DYM: variants seen among roughly 807,000 people sequenced by gnomAD.
DYM encodes dymeclin, also known as dyggve-Melchior-Clausen syndrome protein.
Under a neutral mutation model 93.1 loss-of-function variants are expected in DYM, and 78 were observed. The ratio of observed to expected loss-of-function variants is 0.84; its 90% CI spans 0.70 to 1.01. The LOEUF (loss-of-function observed/expected upper bound fraction) is 1.01, where lower values mean the gene tolerates loss of function less well. Ranked by LOEUF, DYM falls within the 50% of genes least tolerant of loss-of-function variation. The pLI is 0.00. For missense variants in DYM, 789 were observed against 845.0 expected (o/e 0.93, Z 0.82); for synonymous variants, 321 against 319.7 (o/e 1.00, Z -0.04).
chr18:49,374,135 G>C (rs1424377311), intron 5 of DYM, among the ~76,000 whole-genome samples: 3 of 152,114 alleles, frequency 2.0e-5, no homozygotes, highest in Non-Finnish European at 4.4e-5. Context: ...AAAGATGATG[G>C]GGTGGTTTGG....
chr18:49,234,516 T>C lies in DYM; in HGVS notation c.1460+22494A>G, dbSNP rs563876685. On this transcript the variant is annotated intron_variant, in intron 13 of 17. Coordinates refer to ENST00000675505, the MANE Select transcript of DYM (RefSeq NM_001353214.3). Reference sequence around the variant, plus strand: ...TTATTGTTTGCCTCCTCCCCTATCCTGTGGCTTGAACTAAGATGCTTCCTG... The same window carrying C: ...TTATTGTTTGCCTCCTCCCCTATCCCGTGGCTTGAACTAAGATGCTTCCTG... 2.6e-5 allele frequency among the ~76,000 whole-genome samples: 4 copies of C among 152,244 alleles called. No individual in the cohort carries two copies. The South Asian group carries it at 6.2e-4, about 24-fold the overall frequency.
intron 8 of DYM, among the ~76,000 whole-genome samples, chr18:49,327,157 TTACA>T (rs2062957983): frequency 6.6e-6 from 1 of 152,080 alleles, no homozygotes; most frequent in African/African-American, 2.4e-5. Context: ...CTGGATAAAG[TTACA>T]TATAGTTTTT....
Position 49,167,293 on chromosome 18 carries a change from G to C in DYM, c.1626-3506C>G, listed in dbSNP as rs988057451. Among the ~76,000 whole-genome samples, 6 of 152,126 alleles carry C rather than the reference G, an allele frequency of 3.9e-5. No homozygotes were observed. In the South Asian group the frequency reaches 1.0e-3, roughly 26 times the overall value. ...AATTCAAACATGAGATATTTTGGTTGAGCATAATGGAAAATTTTACTACTA... is the reference window on the plus strand; with the variant it reads ...AATTCAAACATGAGATATTTTGGTTCAGCATAATGGAAAATTTTACTACTA... On this transcript the variant is annotated intron_variant, in intron 14 of 17. Coordinates refer to ENST00000675505, the MANE Select transcript of DYM (RefSeq NM_001353214.3).
At chr18:49,285,298 A>C (rs1320550812) in intron 9 of DYM, among the ~76,000 whole-genome samples, 1 of 152,232 alleles carries the variant, frequency 6.6e-6, no homozygotes, top group Non-Finnish European at 1.5e-5. Context: ...TGTGTATCAG[A>C]ATAACCCGGA....
rs551251475 is a variant in DYM, at chr18:49,114,487, G to C, written c.1911+4257C>G. 6 of 895,002 alleles carry C rather than the reference G, an allele frequency of 6.7e-6. No individual in the cohort carries two copies. In the East Asian group the frequency reaches 5.9e-4, roughly 89 times the overall value. 55.4% of individuals were successfully genotyped at this position (895,002 alleles called of 1,614,324 possible). A position where few individuals can be genotyped will look rare whatever the true frequency, so the allele number is the denominator to read the frequency against. ...TAACATCCTGCTTTTACTTCTATAT[G>C]GTTCTATACTGTGTACTTACAGTGA... is the stretch of plus-strand genomic sequence containing the variant. On this transcript the variant is annotated intron_variant, in intron 16 of 17. Coordinates refer to ENST00000675505, the MANE Select transcript of DYM (RefSeq NM_001353214.3).
At chr18:49,335,181 C>T (rs954933383) in intron 6 of DYM, among the ~76,000 whole-genome samples, 5 of 151,504 alleles carry the variant, frequency 3.3e-5, no homozygotes, top group Admixed American at 3.3e-4. Flanking sequence ...CACAAGAGAC[C>T]CACGCAATTA....
At position 49,146,375 on chromosome 18, in the gene DYM, T is replaced by C. The variant is rs998087503; in HGVS notation, c.1728+17310A>G. On this transcript the variant is annotated intron_variant, in intron 15 of 17. Transcript: ENST00000675505. ...TTAGGCAGGAGAAGGAAATAAAGGG[T>C]ATTCAATTCGGAAAAGAGGAAGTCA... 3.9e-4 allele frequency among the ~76,000 whole-genome samples: 60 copies of C among 152,132 alleles called. 1 individual carries two copies. Among genetic ancestry groups the C allele is most frequent in the Non-Finnish European group, 7.4e-5 (5 of 68,022 alleles).
intron 16 of DYM, among the ~76,000 whole-genome samples, chr18:49,107,305 G>T (rs867384907): frequency 6.6e-6 from 1 of 152,104 alleles, no homozygotes; most frequent in African/African-American, 2.4e-5. Context: ...TTAGCCATTC[G>T]TCTAATTTTT....
At chr18:49,154,306 C>G (rs2086140262) in intron 15 of DYM, among the ~76,000 whole-genome samples, 1 of 151,986 alleles carries the variant, frequency 6.6e-6, no homozygotes, top group South Asian at 2.1e-4. Context: ...CAGTAATGTA[C>G]CAGTATTAAT....
chr18:49,096,680 G>T (rs1342389294), intron 17 of DYM, among the ~76,000 whole-genome samples: 1 of 152,184 alleles, frequency 6.6e-6, no homozygotes, highest in South Asian at 2.1e-4. Context: ...TAGTCTTGAA[G>T]TATGAGTTTT....
intron 13 of DYM, among the ~76,000 whole-genome samples, chr18:49,215,628 T>C (rs2092996122): frequency 1.3e-5 from 2 of 152,234 alleles, no homozygotes; most frequent in African/African-American, 4.8e-5. Flanking sequence ...GAAAAGATTA[T>C]ACTCTATTAA....
chr18:49,384,916 G>GA (rs2147790225), intron 3 of DYM, among the ~76,000 whole-genome samples: 1 of 144,046 alleles, frequency 6.9e-6, no homozygotes, highest in Admixed American at 6.9e-5. Context: ...GAGCCATAAT[G>GA]AAAAAAAGAA....
chr18:49,114,614 T>A (rs549904235), intron 16 of DYM: 2 of 982,492 alleles, frequency 2.0e-6, no homozygotes, highest in East Asian at 2.3e-4. Flanking sequence ...GTTCTGTGTG[T>A]CCTGATTAAA....
At chr18:49,225,918 A>G (rs2093511367) in intron 13 of DYM, among the ~76,000 whole-genome samples, 1 of 152,158 alleles carries the variant, frequency 6.6e-6, no homozygotes, top group Non-Finnish European at 1.5e-5. Context: ...TGTAAATATT[A>G]TTAGGTTCAG....
chr18:49,188,692 C>G (rs4245231), intron 14 of DYM, among the ~76,000 whole-genome samples: 99,708 of 150,954 alleles, frequency 0.66, 33,453 homozygotes, highest in Non-Finnish European at 0.74. Flanking sequence ...CCTGTTGTGG[C>G]GTGGGGGGAA....
intron 2 of DYM, among the ~76,000 whole-genome samples, chr18:49,398,403 AG>A (rs1168510219): frequency 6.6e-6 from 1 of 152,208 alleles, no homozygotes; most frequent in African/African-American, 2.4e-5. Flanking sequence ...GTCCAGGGAT[AG>A]ACATCTAACC....
At chr18:49,140,868 T>C (rs1213849159) in intron 15 of DYM, among the ~76,000 whole-genome samples, 1 of 152,228 alleles carries the variant, frequency 6.6e-6, no homozygotes, top group African/African-American at 2.4e-5. Context: ...CAGTTTATAC[T>C]ATTCAAAATA....
At chr18:49,101,903 G>C (rs1568422295) in intron 16 of DYM, among the ~76,000 whole-genome samples, 1 of 152,124 alleles carries the variant, frequency 6.6e-6, no homozygotes, top group African/African-American at 2.4e-5. Flanking sequence ...AGACATCATG[G>C]TAAAGTGGAT....
intron 15 of DYM, among the ~76,000 whole-genome samples, chr18:49,155,250 G>A (rs997431673): frequency 6.6e-6 from 1 of 152,152 alleles, no homozygotes; most frequent in Admixed American, 6.5e-5. Context: ...CAAAGTACAA[G>A]ATTTATTTTC....
Sources: gnomAD v4.1 joint callset for allele counts (sites outside exome capture counted in the v4.1 genomes callset) on GRCh38, gnomAD v4.1.1 for gene constraint, MANE v1.5 for transcripts, NCBI Gene and HGNC (gene_info 2026-07-23, HGNC 2026-07-21) for gene names.